Variants in RNF144A observed in about 807,000 individuals in gnomAD.
RNF144A encodes the protein E3 ubiquitin-protein ligase RNF144A.
A neutral mutation model predicts 38.7 loss-of-function variants in RNF144A; 11 were observed. The observed-to-expected ratio is 0.28, with a 90% confidence interval of 0.18 to 0.47. The LOEUF is 0.47. Among genes scored for constraint, RNF144A ranks in the 20% least tolerant of loss-of-function variants. RNF144A has a pLI of 0.99. For missense variants in RNF144A, 316 were observed against 377.2 expected, an observed-to-expected ratio of 0.84 and a Z score of 1.34; for synonymous variants, 149 against 143.9, an observed-to-expected ratio of 1.04 and a Z score of -0.25.
intron 1 of RNF144A, among the ~76,000 whole-genome samples, chr2:6,926,531 A>G (rs1558354823): frequency 6.6e-6 from 1 of 152,190 alleles, no homozygotes; most frequent in Non-Finnish European, 1.5e-5. Context: ...AGCCATATGC[A>G]TGCGGCTTCA....
chr2:7,024,599 C>G, intron 7 of RNF144A, 83 bp downstream of exon 7: 1 of 1,485,364 alleles, frequency 6.7e-7, no homozygotes. Context: ...CAGCTGTTTC[C>G]TAAAGAGCTT....
At chr2:7,034,891 A>T (rs1010048389) in intron 8 of RNF144A, among the ~76,000 whole-genome samples, 9 of 152,264 alleles carry the variant, frequency 5.9e-5, no homozygotes, top group African/African-American at 1.9e-4. Flanking sequence ...AGTTAGGGGC[A>T]GAGTCGTGAT....
At chr2:6,948,184 C>G (rs1213336436) in intron 2 of RNF144A, among the ~76,000 whole-genome samples, 1 of 152,190 alleles carries the variant, frequency 6.6e-6, no homozygotes, top group Non-Finnish European at 1.5e-5. Flanking sequence ...GTTTTATTCT[C>G]TCAGAGGAGA....
At chr2:6,955,870 G>A (rs1182358321) in intron 2 of RNF144A, among the ~76,000 whole-genome samples, 1 of 152,106 alleles carries the variant, frequency 6.6e-6, no homozygotes, top group Non-Finnish European at 1.5e-5. Flanking sequence ...CAAGCAGACA[G>A]ACCACATGCT....
Position 7,008,812 on chromosome 2 carries a change from G to A in RNF144A, c.136-5642G>A, listed in dbSNP as rs76421921. 5.6e-3 allele frequency among the ~76,000 whole-genome samples: 852 copies of A among 152,348 alleles called. 1 individual carries two copies. Among genetic ancestry groups the A allele is most frequent in the Middle Eastern group, 0.017 (5 of 294 alleles). On this transcript the variant is annotated intron_variant, in intron 3 of 8. Transcript: ENST00000320892. Reference sequence around the variant, plus strand: ...ACCTCTGAATGGCCAGGGAGCCGGGGCTCTGGGCATCCTCCTGGCCTCCAC... The same window carrying A: ...ACCTCTGAATGGCCAGGGAGCCGGGACTCTGGGCATCCTCCTGGCCTCCAC...
chr2:6,918,606 TACAAAAA>T (rs1419460629), intron 1 of RNF144A: 1 of 150,166 alleles, frequency 6.7e-6, no homozygotes, highest in Non-Finnish European at 1.5e-5. Flanking sequence ...CTACTAAAAA[TACAAAAA>T]ATTAGCCGGG....
chr2:7,039,898 C>T lies in RNF144A; in HGVS notation c.*138C>T, dbSNP rs981424395. ...AGCTTCACAGTGTCAGGCTGGACGCCGTGATTTCAGGGACCTATGTCACAA... is the reference window on the plus strand; with the variant it reads ...AGCTTCACAGTGTCAGGCTGGACGCTGTGATTTCAGGGACCTATGTCACAA... On this transcript the variant is annotated 3_prime_UTR_variant, in exon 9 of 9. Coordinates refer to ENST00000320892, the MANE Select transcript of RNF144A (RefSeq NM_014746.6). 5.5e-5 allele frequency: 80 copies of T among 1,443,714 alleles called. No individual in the cohort carries two copies. In the Middle Eastern group the frequency reaches 1.0e-3, roughly 19 times the overall value. The allele number at this position is 1,443,714 out of a possible 1,614,324, so 89.4% of individuals were successfully genotyped here. A position where few individuals can be genotyped will look rare whatever the true frequency, so the allele number is the denominator to read the frequency against.
intron 6 of RNF144A, chr2:7,062,860 A>C (rs1328995678): frequency 6.6e-6 from 1 of 152,214 alleles, no homozygotes; most frequent in Non-Finnish European, 1.5e-5. Context: ...GATAGTTTCC[A>C]GTGAGCACCA....
chr2:7,025,669 C>T (rs928010029), intron 7 of RNF144A, among the ~76,000 whole-genome samples: 5 of 151,992 alleles, frequency 3.3e-5, no homozygotes, highest in African/African-American at 1.2e-4. Flanking sequence ...GAGACTCCAT[C>T]TCAAAAAATA....
chr2:6,953,168 G>A (rs1206357438), intron 2 of RNF144A, among the ~76,000 whole-genome samples: 2 of 152,000 alleles, frequency 1.3e-5, no homozygotes, highest in African/African-American at 4.8e-5. Flanking sequence ...GGCTCACACC[G>A]GTAATCCCAG....
chr2:7,043,464 G>GTA lies in RNF144A; in HGVS notation c.*3713_*3714dup, dbSNP rs929963198. On this transcript the variant is annotated 3_prime_UTR_variant, in exon 9 of 9. Coordinates refer to ENST00000320892, the MANE Select transcript of RNF144A (RefSeq NM_014746.6). The stretch of plus-strand genomic sequence containing the variant: ...CTCATTTATTAGTGAGCACACCTGT[G>GTA]TATATATATAAATCACAAGGAGATC... 2.0e-5 allele frequency: 20 copies of GTA among 985,552 alleles called. No homozygotes were observed. Among genetic ancestry groups the GTA allele is most frequent in the African/African-American group, 1.7e-4 (10 of 57,198 alleles). The allele number at this position is 985,552 out of a possible 1,614,324, so 61.1% of individuals were successfully genotyped here.
chr2:6,918,077 C>T (rs1490363989), intron 1 of RNF144A, among the ~76,000 whole-genome samples: 1 of 152,058 alleles, frequency 6.6e-6, no homozygotes, highest in Non-Finnish European at 1.5e-5. Context: ...GGGGCTGGAG[C>T]CTCGGCCCCA....
chr2:7,054,285 A>G (rs1337316592), intron 6 of RNF144A, among the ~76,000 whole-genome samples: 1 of 152,252 alleles, frequency 6.6e-6, no homozygotes, highest in African/African-American at 2.4e-5. Flanking sequence ...TCTTTCAGCC[A>G]TCACCCACTA....
intron 6 of RNF144A, among the ~76,000 whole-genome samples, chr2:7,061,166 T>C (rs1195127446): frequency 2.0e-5 from 3 of 152,210 alleles, no homozygotes; most frequent in South Asian, 4.1e-4. Context: ...GACCTGAGCT[T>C]CACCATCAGG....
the RNF144A span, among the ~76,000 whole-genome samples, chr2:7,075,290 C>T: frequency 1.3e-5 from 2 of 151,684 alleles, no homozygotes; most frequent in Non-Finnish European, 1.5e-5. Context: ...ATCCCCCCCC[C>T]CACACAGTGT....
chr2:7,045,582 T>C, downstream of RNF144A, among the ~76,000 whole-genome samples: 1 of 152,176 alleles, frequency 6.6e-6, no homozygotes, highest in East Asian at 1.9e-4. Context: ...AAAGTCATAT[T>C]GGATTAGAGC....
At chr2:6,975,820 T>C (rs1024017543) in intron 2 of RNF144A, among the ~76,000 whole-genome samples, 5 of 152,212 alleles carry the variant, frequency 3.3e-5, no homozygotes, top group Non-Finnish European at 5.9e-5. Flanking sequence ...AGCGAGACCC[T>C]GTCTCAAAAA....
chr2:6,939,473 G>A (rs536598184), intron 1 of RNF144A, among the ~76,000 whole-genome samples: 2 of 152,236 alleles, frequency 1.3e-5, no homozygotes, highest in East Asian at 1.9e-4. Flanking sequence ...TTCTGAATCC[G>A]AGGCCTTTAT....
At chr2:7,033,166 C>G (rs1672439462) in intron 8 of RNF144A, among the ~76,000 whole-genome samples, 3 of 152,272 alleles carry the variant, frequency 2.0e-5, no homozygotes. Context: ...CTCCCACATA[C>G]TCAGGCTTAC....
Sources: allele counts gnomAD v4.1 joint callset (sites outside exome capture counted in the v4.1 genomes callset), GRCh38; gene constraint gnomAD v4.1.1; transcripts MANE v1.5; gene names NCBI Gene and HGNC (gene_info 2026-07-23, HGNC 2026-07-21).